Variants in NRXN1 observed in about 807,000 individuals in gnomAD.
NRXN1 encodes the protein neurexin 1.
NRXN1 carries 39 observed loss-of-function variants against 150.9 expected under a neutral mutation model. The ratio of observed to expected loss-of-function variants is 0.26; its 90% confidence interval spans 0.20 to 0.34. The LOEUF is 0.34. NRXN1 is among the 10% of genes least tolerant of loss of function. The pLI is 1.00. For missense variants in NRXN1, 1,815 were observed against 1,949.9 expected (o/e 0.93, Z 1.30); for synonymous variants, 924 against 757.0 (o/e 1.22, Z -3.62).
rs560760474 is a variant in NRXN1, at chr2:50,580,687, T to C, written c.1321-27662A>G. On this transcript the variant is annotated intron_variant, in intron 8 of 22. Transcript: ENST00000401669. ...ACTACTCAACCCAGTAGTCAACACA[T>C]TCTAGATATCTGAAAACTGAGTTTT... 3.3e-5 allele frequency among the ~76,000 whole-genome samples: 5 copies of C among 152,208 alleles called. No homozygotes were observed. In the East Asian group the frequency reaches 9.7e-4, roughly 30 times the overall value.
chr2:50,537,954 G>A (rs973507879), intron 10 of NRXN1, among the ~76,000 whole-genome samples: 2 of 152,014 alleles, frequency 1.3e-5, no homozygotes, highest in African/African-American at 4.8e-5. Context: ...TAAAAACTGG[G>A]CAAAAAAGAC....
chr2:50,568,448 A>G (rs888731958), intron 8 of NRXN1, among the ~76,000 whole-genome samples: 1 of 152,210 alleles, frequency 6.6e-6, no homozygotes, highest in Non-Finnish European at 1.5e-5. Context: ...TAAATAGGAA[A>G]AAGTCTAATA....
In NRXN1 at chr2:50,829,569, A is replaced by T. The variant is rs1196982974; in HGVS notation, c.832+92300T>A. 3 of 1,611,898 alleles carry T rather than the reference A, an allele frequency of 1.9e-6. No individual in the cohort carries two copies. In the African/African-American group the frequency reaches 4.0e-5, roughly 22 times the overall value. ...CTTAGGAGGGGTTTTCTTAAACTGA[A>T]GGTCCATGTAGCCATCGTCTGTGCT... On this transcript the variant is annotated intron_variant, in intron 5 of 22. Transcript: ENST00000401669.
At chr2:50,725,401 T>C (rs1238885146) in intron 5 of NRXN1, among the ~76,000 whole-genome samples, 1 of 151,612 alleles carries the variant, frequency 6.6e-6, no homozygotes, top group Admixed American at 6.6e-5. Context: ...AGACAGGTAT[T>C]GCAGTACTTA....
chr2:50,311,673 C>T (rs971398856), intron 17 of NRXN1, among the ~76,000 whole-genome samples: 8 of 152,056 alleles, frequency 5.3e-5, no homozygotes, highest in South Asian at 4.1e-4. Flanking sequence ...CTGATCTTCA[C>T]GTCTCAAATT....
intron 5 of NRXN1, among the ~76,000 whole-genome samples, chr2:50,790,496 C>G (rs564033485): frequency 3.2e-4 from 49 of 152,208 alleles, no homozygotes; most frequent in African/African-American, 1.1e-3. Flanking sequence ...TGGCAGGTAC[C>G]TGTAACCCCA....
At chr2:50,517,006 G>GA (rs773050812) in intron 12 of NRXN1, among the ~76,000 whole-genome samples, 25 of 152,038 alleles carry the variant, frequency 1.6e-4, no homozygotes, top group Non-Finnish European at 3.1e-4. Flanking sequence ...TTTATTTTTT[G>GA]ACCCACACAG....
rs868701382 is a variant in NRXN1 at position 50,933,745 on chromosome 2, G to T, written c.773-7790C>A. 3.3e-5 allele frequency among the ~76,000 whole-genome samples: 5 copies of T among 152,032 alleles called. No individual in the cohort carries two copies. In the East Asian group the frequency reaches 5.8e-4, roughly 18 times the overall value. On this transcript the variant is annotated intron_variant, in intron 2 of 22. Transcript: ENST00000401669. ...AAATCAACACAAATACAAATTTCTA[G>T]GTACCCTAATGATTCCTTTTTAATG...
At chr2:50,404,159 TTTTTG>T (rs1037342369) in intron 17 of NRXN1, among the ~76,000 whole-genome samples, 44 of 148,218 alleles carry the variant, frequency 3.0e-4, no homozygotes, top group Admixed American at 5.4e-4. Context: ...GTTTAGTTTT[TTTTTG>T]TTTGTTTTGT....
At chr2:50,238,440 T>C (rs1399995854) in intron 17 of NRXN1, among the ~76,000 whole-genome samples, 1 of 151,998 alleles carries the variant, frequency 6.6e-6, no homozygotes, top group Non-Finnish European at 1.5e-5. Context: ...GCAGATCATA[T>C]ATGATTTGAT....
intron 17 of NRXN1, among the ~76,000 whole-genome samples, chr2:50,241,422 A>T (rs1398108086): frequency 2.6e-5 from 4 of 151,790 alleles, no homozygotes; most frequent in Non-Finnish European, 5.9e-5. Context: ...TTATTTATGC[A>T]TGTTTCTATA....
intron 2 of NRXN1, among the ~76,000 whole-genome samples, chr2:51,014,066 A>G (rs960255867): frequency 3.3e-5 from 5 of 152,072 alleles, no homozygotes; most frequent in African/African-American, 1.2e-4. Flanking sequence ...TTGTCCATGC[A>G]ATTTCCAAGG....
intron 19 of NRXN1, among the ~76,000 whole-genome samples, chr2:50,083,767 T>C (rs150037722): frequency 0.012 from 1,806 of 152,252 alleles, 46 homozygotes; most frequent in African/African-American, 0.042. Flanking sequence ...ATCCCTGAGC[T>C]AGACACAAAC....
At chr2:50,910,568 G>A (rs1282338739) in intron 5 of NRXN1, among the ~76,000 whole-genome samples, 1 of 151,816 alleles carries the variant, frequency 6.6e-6, no homozygotes, top group Non-Finnish European at 1.5e-5. Flanking sequence ...CATCTTTCAT[G>A]TACCAAGCTC....
chr2:50,207,783 A>T (rs1368504830), intron 18 of NRXN1: 1 of 165,382 alleles, frequency 6.0e-6, no homozygotes, highest in African/African-American at 2.4e-5. Flanking sequence ...ATCAGCTATC[A>T]TTTGGGAAAG....
At chr2:50,150,326 C>T (rs913778923) in intron 18 of NRXN1, among the ~76,000 whole-genome samples, 3 of 151,792 alleles carry the variant, frequency 2.0e-5, no homozygotes, top group African/African-American at 7.2e-5. Context: ...TTGCAATGAA[C>T]ACTAACACTT....
intron 5 of NRXN1, among the ~76,000 whole-genome samples, chr2:50,900,162 A>C (rs1407717687): frequency 6.6e-6 from 1 of 152,222 alleles, no homozygotes; most frequent in Non-Finnish European, 1.5e-5. Flanking sequence ...CAAGAAATTA[A>C]ACCTTGCTGA....
intron 5 of NRXN1, among the ~76,000 whole-genome samples, chr2:50,816,385 T>A (rs1036557136): frequency 6.6e-6 from 1 of 152,026 alleles, no homozygotes; most frequent in African/African-American, 2.4e-5. Flanking sequence ...AGAATAGGAA[T>A]GTTCAATGGG....
At chr2:50,672,454 A>T (rs1224573071) in intron 5 of NRXN1, among the ~76,000 whole-genome samples, 2 of 152,024 alleles carry the variant, frequency 1.3e-5, no homozygotes, top group Non-Finnish European at 2.9e-5. Context: ...GAGGTAACAC[A>T]TGCTTGATGA....
Sources: gnomAD v4.1 joint callset for allele counts (sites outside exome capture counted in the v4.1 genomes callset) on GRCh38, gnomAD v4.1.1 for gene constraint, MANE v1.5 for transcripts, NCBI Gene and HGNC (gene_info 2026-07-23, HGNC 2026-07-21) for gene names.